Variants in DNAH14 observed in about 807,000 individuals in gnomAD.
DNAH14 encodes the protein dynein axonemal heavy chain 14, also known as axonemal beta dynein heavy chain 14.
A neutral mutation model predicts 520.9 loss-of-function variants in DNAH14; 478 were observed. The ratio of observed to expected loss-of-function variants is 0.92; its 90% CI spans 0.85 to 0.99. The LOEUF is 0.99. Ranked by LOEUF, DNAH14 falls within the 50% of genes least tolerant of loss-of-function variation. DNAH14 has a pLI of 0.00. For synonymous variants in DNAH14, 1,581 were observed against 1,757.2 expected (o/e 0.90, Z 2.51); for missense variants, 4,831 against 5,234.5 (o/e 0.92, Z 2.38).
At position 225,346,301 on chromosome 1, in the gene DNAH14, C is replaced by A. The variant is rs1212607817; in HGVS notation, c.11018C>A (p.Pro3673His). 6.5e-7 allele frequency: 1 copy of A among 1,544,656 alleles called. No homozygotes were observed. Among genetic ancestry groups the A allele is most frequent in the Non-Finnish European group, 8.7e-7 (1 of 1,145,360 alleles). ...GAGTTTATAAGTATTTCAAAAGAAC[C>A]CAACCTGGAAAATGAGAAAAATCTC... ...VHEFISISKEPNLENEKNLLD... is the reference protein window; with the variant it reads ...VHEFISISKEHNLENEKNLLD... The change falls in exon 70 of 86, where the codon CCC (proline) becomes CAC (histidine). Residue 3673 changes from proline (P) to histidine (H), a missense_variant. Physicochemically the swap from Pro to His is moderately conservative, Grantham distance 77. Transcript: ENST00000682510.
chr1:225,157,424 C>T (rs1304344993), intron 34 of DNAH14, among the ~76,000 whole-genome samples: 1 of 152,120 alleles, frequency 6.6e-6, no homozygotes, highest in Non-Finnish European at 1.5e-5. Flanking sequence ...TAGATGTTGA[C>T]ATTAATCTAA....
intron 9 of DNAH14, among the ~76,000 whole-genome samples, chr1:225,006,957 T>C (rs2147852088): frequency 6.6e-6 from 1 of 152,338 alleles, no homozygotes; most frequent in East Asian, 1.9e-4. Context: ...TTTTGTACTC[T>C]TTCTCTTTAT....
Position 225,327,764 on chromosome 1 carries a change from G to A in DNAH14, c.9723+2932G>A, listed in dbSNP as rs2094708528. Among the ~76,000 whole-genome samples, 3 of 151,626 alleles carry A rather than the reference G, an allele frequency of 2.0e-5. No homozygotes were observed. The South Asian group carries it at 6.2e-4, about 32-fold the overall frequency. On this transcript the variant is annotated intron_variant, in intron 64 of 85. Transcript: ENST00000682510. Reference sequence around the variant, plus strand: ...AATAGAGAATAGAAAAAAAAATAGCGAAAATCAATGAAACCAAAAGTTGGT... The same window carrying A: ...AATAGAGAATAGAAAAAAAAATAGCAAAAATCAATGAAACCAAAAGTTGGT...
intron 44 of DNAH14, among the ~76,000 whole-genome samples, chr1:225,257,162 C>T (rs181322694): frequency 6.6e-6 from 1 of 152,306 alleles, no homozygotes; most frequent in East Asian, 1.9e-4. Flanking sequence ...ATCCAGTCCA[C>T]CATAGACTGC....
rs1362627195 is a variant in DNAH14, at chr1:225,360,704, C to T, written c.11800C>T (p.Leu3934=). The T allele has an allele frequency of 5.8e-6, 9 of 1,551,692 alleles. No homozygotes were observed. Among genetic ancestry groups the T allele is most frequent in the Non-Finnish European group, 7.0e-6 (8 of 1,146,980 alleles). ...THGIDLTNIL[L]RFAQELKGTT... ...AGGGATCGACCTTACCAATATCCTC[C>T]TGAGATTTGCACAAGAGTTAAAAGG... The change falls in exon 75 of 86, where the codon CTG becomes TTG. Residue 3934 remains leucine, a synonymous_variant. Coordinates refer to ENST00000682510, the MANE Select transcript of DNAH14 (RefSeq NM_001367479.1).
chr1:225,217,424 A>G (rs1437634090), intron 41 of DNAH14, among the ~76,000 whole-genome samples: 1 of 152,134 alleles, frequency 6.6e-6, no homozygotes, highest in African/African-American at 2.4e-5. Context: ...TACTCTCTTC[A>G]AAGCTGTTAG....
chr1:225,271,994 T>G lies in DNAH14; in HGVS notation c.7760T>G (p.Ile2587Arg). ...KDQIISCSLA[I>R]YHQVRQNMLP... Reference sequence around the variant, plus strand: ...CAGATAATATCTTGTTCCCTAGCTATATACCATCAAGTACGTCAGAATATG... The same window carrying G: ...CAGATAATATCTTGTTCCCTAGCTAGATACCATCAAGTACGTCAGAATATG... Residue 2587 changes from isoleucine to arginine, a missense_variant, in exon 51 of 86, where the codon ATA (isoleucine) becomes AGA (arginine). By Grantham distance (97) the Ile-to-Arg change is moderately conservative (BLOSUM62 -3). Coordinates refer to ENST00000682510, the MANE Select transcript of DNAH14 (RefSeq NM_001367479.1). 6.4e-7 allele frequency: 1 copy of G among 1,550,838 alleles called. No individual in the cohort carries two copies. Among genetic ancestry groups the G allele is most frequent in the Non-Finnish European group, 8.7e-7 (1 of 1,146,530 alleles).
chr1:225,140,889 T>A lies in DNAH14; in HGVS notation c.4376T>A (p.Val1459Glu), dbSNP rs1452719071. 6.4e-7 allele frequency: 1 copy of A among 1,551,368 alleles called. No individual in the cohort carries two copies. Among genetic ancestry groups the A allele is most frequent in the Admixed American group, 2.0e-5 (1 of 50,984 alleles). Residue 1459 changes from valine to glutamate, a missense_variant, in exon 28 of 86, where the codon GTG (valine) becomes GAG (glutamate). Transcript: ENST00000682510. ...CHLEEVADLV[V>E]LDTSNSRTKA... ...CTAGAAGAGGTTGCAGACCTGGTAG[T>A]GCTGGATACTAGTAACTCTCGAACA...
chr1:224,931,975 G>C (rs2058724864), intron 1 of DNAH14, among the ~76,000 whole-genome samples: 1 of 152,110 alleles, frequency 6.6e-6, no homozygotes, highest in East Asian at 1.9e-4. Flanking sequence ...ATACTCAGTA[G>C]TGAATTGCTG....
At chr1:224,968,557 G>A (rs2501154) in intron 6 of DNAH14, among the ~76,000 whole-genome samples, 13,887 of 151,958 alleles carry the variant, frequency 0.091, 2,027 homozygotes, top group African/African-American at 0.31. Flanking sequence ...ATTAGAAAAC[G>A]ACAAGTACAG....
intron 64 of DNAH14, among the ~76,000 whole-genome samples, chr1:225,331,067 C>T (rs1186974509): frequency 6.6e-6 from 1 of 152,008 alleles, no homozygotes; most frequent in Non-Finnish European, 1.5e-5. Context: ...TCATTCGGTC[C>T]TCTGGTCTGT....
At chr1:225,341,911 T>A (rs1007922228) in intron 69 of DNAH14, among the ~76,000 whole-genome samples, 3 of 152,206 alleles carry the variant, frequency 2.0e-5, no homozygotes, top group Non-Finnish European at 4.4e-5. Context: ...AACACTTTAG[T>A]CCTCAAGAGT....
chr1:224,955,398 G>C (rs2060447859), intron 3 of DNAH14, among the ~76,000 whole-genome samples: 1 of 151,522 alleles, frequency 6.6e-6, no homozygotes, highest in Non-Finnish European at 1.5e-5. Flanking sequence ...CATTTTTTTT[G>C]AGGTACAGAC....
chr1:225,237,728 T>A (rs1417039452), intron 42 of DNAH14, among the ~76,000 whole-genome samples: 1 of 152,168 alleles, frequency 6.6e-6, no homozygotes, highest in Non-Finnish European at 1.5e-5. Context: ...ATTCTCCCCA[T>A]CTCTTTCAAG....
chr1:224,977,823 A>G lies in DNAH14; in HGVS notation c.830+3670A>G, dbSNP rs567726968. Reference sequence around the variant, plus strand: ...TATAAAGGGGACTCAAACAACAGTAAAAAATAAATAATCTGATTTAAAAAT... The same window carrying G: ...TATAAAGGGGACTCAAACAACAGTAGAAAATAAATAATCTGATTTAAAAAT... On this transcript the variant is annotated intron_variant, in intron 8 of 85. Coordinates refer to ENST00000682510, the MANE Select transcript of DNAH14 (RefSeq NM_001367479.1). Among the ~76,000 whole-genome samples, 11 of 152,318 alleles carry G rather than the reference A, an allele frequency of 7.2e-5. 1 individual carries two copies. The highest frequency in any genetic ancestry group is 7.2e-4 in the Admixed American group (11 of 15,298).
At chr1:225,323,771 T>A (rs1025797187) in intron 62 of DNAH14, among the ~76,000 whole-genome samples, 1 of 151,962 alleles carries the variant, frequency 6.6e-6, no homozygotes, top group Non-Finnish European at 1.5e-5. Context: ...ACTAGCGTCA[T>A]TTTTGTACCC....
At position 225,080,428 on chromosome 1, in the gene DNAH14, T is replaced by C; in HGVS notation, c.2816T>C (p.Met939Thr). ...LCAGTQVSTA[M>T]EMIQTLSGEA... is the part of the protein sequence containing the mutation. Reference sequence around the variant, plus strand: ...GCTGGTACTCAAGTGTCAACAGCAATGGAAATGATCCAGACTCTCTCAGGG... The same window carrying C: ...GCTGGTACTCAAGTGTCAACAGCAACGGAAATGATCCAGACTCTCTCAGGG... Residue 939 changes from methionine to threonine, a missense_variant, in exon 19 of 86, where the codon ATG (methionine) becomes ACG (threonine). By Grantham distance (81) the Met-to-Thr change is moderately conservative (BLOSUM62 -1). Coordinates refer to ENST00000682510, the MANE Select transcript of DNAH14 (RefSeq NM_001367479.1). The C allele has an allele frequency of 6.4e-7, 1 of 1,550,712 alleles. No homozygotes were observed. Among genetic ancestry groups the C allele is most frequent in the Non-Finnish European group, 8.7e-7 (1 of 1,146,526 alleles).
At chr1:224,982,925 T>C (rs1166950962) in intron 8 of DNAH14, among the ~76,000 whole-genome samples, 1 of 152,228 alleles carries the variant, frequency 6.6e-6, no homozygotes. Flanking sequence ...ATGTGTGTTC[T>C]GCAGTTGTTG....
Position 224,981,049 on chromosome 1 carries a change from A to G in DNAH14, c.830+6896A>G, listed in dbSNP as rs192036716. 1.0e-4 allele frequency among the ~76,000 whole-genome samples: 15 copies of G among 144,844 alleles called. No homozygotes were observed. In the East Asian group the frequency reaches 2.9e-3, roughly 28 times the overall value. On this transcript the variant is annotated intron_variant, in intron 8 of 85. Coordinates refer to ENST00000682510, the MANE Select transcript of DNAH14 (RefSeq NM_001367479.1). ...TCTAATGCTTTTTCTGCATCTATTG[A>G]GATGATCATGTGTATTCTGTTTATG...
Sources: gnomAD v4.1 joint callset for allele counts (sites outside exome capture counted in the v4.1 genomes callset) on GRCh38, gnomAD v4.1.1 for gene constraint, MANE v1.5 for transcripts, NCBI Gene and HGNC (gene_info 2026-07-23, HGNC 2026-07-21) for gene names.